PTPRK: variants seen among roughly 807,000 people sequenced by gnomAD.
PTPRK encodes protein tyrosine phosphatase receptor type K.
PTPRK carries 75 observed loss-of-function variants against 178.0 expected under a neutral mutation model. The observed-to-expected ratio is 0.42, with a 90% CI of 0.35 to 0.51. PTPRK has a LOEUF of 0.51. Among genes scored for constraint, PTPRK ranks in the 20% least tolerant of loss-of-function variants. PTPRK has a pLI of 0.02. For missense variants in PTPRK, 1,441 were observed against 1,797.8 expected (o/e 0.80, Z 3.59); for synonymous variants, 637 against 620.6 (o/e 1.03, Z -0.39).
intron 2 of PTPRK, among the ~76,000 whole-genome samples, chr6:128,396,126 G>A (rs912049724): frequency 2.0e-5 from 3 of 151,372 alleles, no homozygotes; most frequent in African/African-American, 7.3e-5. Flanking sequence ...TCTTCAATAA[G>A]CAGAATTAAC....
chr6:128,153,985 T>C (rs933972343), intron 7 of PTPRK, among the ~76,000 whole-genome samples: 3 of 151,746 alleles, frequency 2.0e-5, no homozygotes, highest in African/African-American at 4.8e-5. Flanking sequence ...TCAATAATAA[T>C]GATGGAAGCT....
rs184248491 is a variant in PTPRK, at chr6:128,246,116, T to C, written c.496-3514A>G. On this transcript the variant is annotated intron_variant, in intron 3 of 29. Coordinates refer to ENST00000368226, the MANE Select transcript of PTPRK (RefSeq NM_002844.4). ...ATGTATCCTAGGAAAATAAGTTTTA[T>C]TTGCTTGTTTGTGGTTTAAGGAAAG... Among the ~76,000 whole-genome samples the C allele has an allele frequency of 2.7e-3, 411 of 152,328 alleles. 6 individuals are homozygous for C. The highest frequency in any genetic ancestry group is 0.025 in the Admixed American group (377 of 15,298).
intron 1 of PTPRK, among the ~76,000 whole-genome samples, chr6:128,484,529 T>G (rs1852542731): frequency 6.6e-6 from 1 of 152,276 alleles, no homozygotes; most frequent in East Asian, 1.9e-4. Context: ...CTAATTTCAT[T>G]GTTGTTGAGC....
chr6:128,005,367 G>A, intron 14 of PTPRK, 123 bp from the exon 15 acceptor site: 1 of 774,320 alleles, frequency 1.3e-6, no homozygotes, highest in South Asian at 2.8e-5. Flanking sequence ...GAAACCCCAA[G>A]CACTGGTCAC....
Position 128,144,385 on chromosome 6 carries a change from G to T in PTPRK, c.1162+40047C>A, listed in dbSNP as rs1192965624. Among the ~76,000 whole-genome samples the T allele has an allele frequency of 2.0e-5, 3 of 152,142 alleles. No individual in the cohort carries two copies. In the South Asian group the frequency reaches 6.2e-4, roughly 32 times the overall value. ...ATTTGTAATAAATGATCAACATGGT[G>T]AGCACACTTCGAGTTGCCTTGCCCT... On this transcript the variant is annotated intron_variant, in intron 7 of 29. Coordinates refer to ENST00000368226, the MANE Select transcript of PTPRK (RefSeq NM_002844.4).
At chr6:127,999,764 C>A (rs555511744) in intron 15 of PTPRK, among the ~76,000 whole-genome samples, 4 of 152,064 alleles carry the variant, frequency 2.6e-5, no homozygotes, top group African/African-American at 9.6e-5. Flanking sequence ...AAATTCTGAA[C>A]ACCCAGTACA....
chr6:128,419,335 G>A (rs1410744138), intron 1 of PTPRK, among the ~76,000 whole-genome samples: 2 of 152,198 alleles, frequency 1.3e-5, no homozygotes, highest in East Asian at 1.9e-4. Flanking sequence ...GAATGCGGCC[G>A]GGCGCGGTGG....
chr6:128,255,765 C>G (rs576927709), intron 3 of PTPRK, among the ~76,000 whole-genome samples: 1 of 152,154 alleles, frequency 6.6e-6, no homozygotes, highest in Non-Finnish European at 1.5e-5. Context: ...TGGGACCCAC[C>G]GATCCATGGT....
chr6:128,490,448 A>G (rs892977861), intron 1 of PTPRK, among the ~76,000 whole-genome samples: 1 of 152,182 alleles, frequency 6.6e-6, no homozygotes, highest in African/African-American at 2.4e-5. Context: ...TAGAACGCAG[A>G]GGGCTGGGTA....
intron 1 of PTPRK, among the ~76,000 whole-genome samples, chr6:128,490,928 A>G (rs1352874604): frequency 3.3e-5 from 5 of 152,186 alleles, no homozygotes; most frequent in African/African-American, 1.2e-4. Context: ...GACATCAGTC[A>G]TAGTAGATTA....
chr6:128,330,380 C>T (rs1830109538), intron 2 of PTPRK, among the ~76,000 whole-genome samples: 1 of 152,088 alleles, frequency 6.6e-6, no homozygotes. Flanking sequence ...TCTCCTACCA[C>T]TATTTTTTTC....
chr6:128,290,996 T>A (rs555595423), intron 3 of PTPRK, among the ~76,000 whole-genome samples: 1 of 152,056 alleles, frequency 6.6e-6, no homozygotes, highest in Non-Finnish European at 1.5e-5. Flanking sequence ...AATGGCTTCT[T>A]GAAAAATGCC....
chr6:128,061,112 T>C (rs907936528), intron 13 of PTPRK, among the ~76,000 whole-genome samples: 4 of 152,176 alleles, frequency 2.6e-5, no homozygotes, highest in Admixed American at 2.6e-4. Flanking sequence ...TAAATAATTT[T>C]TTTTTGTTTT....
intron 6 of PTPRK, among the ~76,000 whole-genome samples, chr6:128,214,741 T>C (rs1260277948): frequency 6.6e-6 from 1 of 152,060 alleles, no homozygotes; most frequent in African/African-American, 2.4e-5. Context: ...TTTAATGACT[T>C]GATCAACAAA....
At chr6:128,241,948 ATTTTTTT>A (rs1202951832) in intron 4 of PTPRK, among the ~76,000 whole-genome samples, 5 of 126,228 alleles carry the variant, frequency 4.0e-5, no homozygotes, top group Non-Finnish European at 6.7e-5. Flanking sequence ...CGCCTGGCTA[ATTTTTTT>A]TTTTTTTTTT....
chr6:128,351,845 G>A (rs1237039299), intron 2 of PTPRK, among the ~76,000 whole-genome samples: 1 of 152,136 alleles, frequency 6.6e-6, no homozygotes, highest in Non-Finnish European at 1.5e-5. Context: ...TGTTGAAAGA[G>A]GGAATCAGAT....
intron 7 of PTPRK, among the ~76,000 whole-genome samples, chr6:128,125,969 A>G (rs1793301314): frequency 6.6e-6 from 1 of 152,018 alleles, no homozygotes; most frequent in African/African-American, 2.4e-5. Context: ...GCGTTTTCAG[A>G]CTGACTCCTT....
intron 7 of PTPRK, among the ~76,000 whole-genome samples, chr6:128,132,140 G>A (rs1794339653): frequency 6.6e-6 from 1 of 151,994 alleles, no homozygotes; most frequent in African/African-American, 2.4e-5. Context: ...AAAGACAAAA[G>A]GTCAAATAGT....
chr6:128,189,244 T>C (rs1410547767), intron 6 of PTPRK, among the ~76,000 whole-genome samples: 89 of 135,030 alleles, frequency 6.6e-4, no homozygotes, highest in African/African-American at 1.9e-3. Flanking sequence ...TCTTTTTTTT[T>C]TTTTTTTTTT....
Sources: gnomAD v4.1 joint callset for allele counts (sites outside exome capture counted in the v4.1 genomes callset) on GRCh38, gnomAD v4.1.1 for gene constraint, MANE v1.5 for transcripts, NCBI Gene and HGNC (gene_info 2026-07-23, HGNC 2026-07-21) for gene names.